The following L3MBTL3 variants were observed in gnomAD, a reference collection of about 807,000 sequenced individuals.
L3MBTL3 encodes lethal(3)malignant brain tumor-like protein 3.
Under a neutral mutation model 102.3 loss-of-function variants are expected in L3MBTL3, and 27 were observed. The ratio of observed to expected loss-of-function variants is 0.26; its 90% CI spans 0.19 to 0.36. L3MBTL3 has a LOEUF of 0.36. Among genes scored for constraint, L3MBTL3 ranks in the 10% least tolerant of loss-of-function variants. The probability of loss-of-function intolerance (pLI) is 1.00; values close to 1 mark genes in which losing one functional copy is unlikely to be tolerated. For missense variants in L3MBTL3, 798 were observed against 955.3 expected (o/e 0.84, Z 2.17); for synonymous variants, 340 against 320.9 (o/e 1.06, Z -0.64).
chr6:130,052,416 G>C (rs1333136671), intron 6 of L3MBTL3, among the ~76,000 whole-genome samples: 1 of 151,978 alleles, frequency 6.6e-6, no homozygotes, highest in Non-Finnish European at 1.5e-5. Flanking sequence ...GAACTGTCTT[G>C]TTTTTCTTGG....
intron 2 of L3MBTL3, among the ~76,000 whole-genome samples, chr6:130,035,963 T>G (rs1437189300): frequency 7.0e-6 from 1 of 142,316 alleles, no homozygotes; most frequent in Non-Finnish European, 1.5e-5. Flanking sequence ...GCATTGTGAC[T>G]CTCTTACCTA....
At chr6:130,033,824 T>G (rs1481718067) in intron 2 of L3MBTL3, among the ~76,000 whole-genome samples, 1 of 152,234 alleles carries the variant, frequency 6.6e-6, no homozygotes, top group Non-Finnish European at 1.5e-5. Context: ...TTATTAAAAC[T>G]ATTTAACTGG....
chr6:130,074,597 C>G (rs1584378589), intron 13 of L3MBTL3, among the ~76,000 whole-genome samples: 1 of 152,222 alleles, frequency 6.6e-6, no homozygotes, highest in East Asian at 1.9e-4. Flanking sequence ...AGGTTGGGCT[C>G]TGGGGCAGAA....
intron 2 of L3MBTL3, among the ~76,000 whole-genome samples, chr6:130,032,775 G>A (rs917302877): frequency 2.0e-5 from 3 of 152,234 alleles, no homozygotes; most frequent in Non-Finnish European, 4.4e-5. Flanking sequence ...AGAATCACGT[G>A]AGGCCTGCAG....
intron 22 of L3MBTL3, chr6:130,137,512 T>G (rs1003853274): frequency 6.6e-6 from 1 of 152,216 alleles, no homozygotes; most frequent in African/African-American, 2.4e-5. Context: ...TCAAGATTTT[T>G]TTTCTTTCTA....
chr6:130,092,345 A>T (rs886366098), intron 16 of L3MBTL3, among the ~76,000 whole-genome samples: 1 of 150,828 alleles, frequency 6.6e-6, no homozygotes, highest in Non-Finnish European at 1.5e-5. Flanking sequence ...CTTCCTCTCT[A>T]CCCTCCCCTC....
intron 13 of L3MBTL3, among the ~76,000 whole-genome samples, chr6:130,071,395 C>T (rs561493246): frequency 1.3e-5 from 2 of 152,210 alleles, no homozygotes; most frequent in African/African-American, 2.4e-5. Flanking sequence ...TATGTTCACA[C>T]GTATTTTAAT....
intron 22 of L3MBTL3, among the ~76,000 whole-genome samples, chr6:130,135,070 C>CTTTTTTTTTTTTTTTTT (rs5880000): frequency 7.8e-6 from 1 of 127,418 alleles, no homozygotes; most frequent in African/African-American, 3.0e-5. Context: ...CTGTTTTTTC[C>CTTTTTTTTTTTTTTTTT]TTTTTTTTTT....
At chr6:130,094,131 T>C in intron 17 of L3MBTL3, 134 bp from the exon 18 acceptor site, 1 of 515,898 alleles carries the variant, frequency 1.9e-6, no homozygotes, top group Non-Finnish European at 3.4e-6. Flanking sequence ...CTACTTTTTC[T>C]GTTTATGTAT....
At chr6:130,101,741 G>C (rs1784703194) in intron 18 of L3MBTL3, among the ~76,000 whole-genome samples, 1 of 152,150 alleles carries the variant, frequency 6.6e-6, no homozygotes, top group Non-Finnish European at 1.5e-5. Flanking sequence ...GATTTTTCTG[G>C]CCTTCCTGTT....
rs185444648 is a variant in L3MBTL3 at position 130,065,522 on chromosome 6, A to G, written c.865-831A>G. On this transcript the variant is annotated intron_variant, in intron 10 of 22. Transcript: ENST00000361794. Reference sequence around the variant, plus strand: ...ACAGTAACTGTACAGCTACCTCACTATTTGAGGATTAATTGCCCTGGCTCT... The same window carrying G: ...ACAGTAACTGTACAGCTACCTCACTGTTTGAGGATTAATTGCCCTGGCTCT... Among the ~76,000 whole-genome samples, 4 of 152,232 alleles carry G rather than the reference A, an allele frequency of 2.6e-5. No homozygotes were observed. In the South Asian group the frequency reaches 8.3e-4, roughly 32 times the overall value.
chr6:130,088,657 C>T (rs187857572), intron 16 of L3MBTL3, among the ~76,000 whole-genome samples: 96 of 152,254 alleles, frequency 6.3e-4, no homozygotes, highest in Non-Finnish European at 1.1e-3. Context: ...TTATTCCTGC[C>T]TCATTCCTTC....
At chr6:130,039,601 TTATATA>T (rs148663274) in intron 2 of L3MBTL3, among the ~76,000 whole-genome samples, 3 of 149,802 alleles carry the variant, frequency 2.0e-5, no homozygotes, top group African/African-American at 7.3e-5. Context: ...TTTTTATAGT[TTATATA>T]TATATATTTG....
intron 16 of L3MBTL3, among the ~76,000 whole-genome samples, chr6:130,087,416 G>C (rs890570359): frequency 6.6e-6 from 1 of 151,956 alleles, no homozygotes; most frequent in African/African-American, 2.4e-5. Context: ...ATCTAGACAA[G>C]TAATCAAATA....
chr6:130,026,969 C>G (rs550668342), intron 2 of L3MBTL3, among the ~76,000 whole-genome samples: 5 of 152,048 alleles, frequency 3.3e-5, no homozygotes, highest in Non-Finnish European at 7.4e-5. Context: ...AGAAATGTGT[C>G]CTAGAATCAA....
chr6:130,111,097 A>T (rs1362768988), intron 19 of L3MBTL3, among the ~76,000 whole-genome samples: 1 of 151,840 alleles, frequency 6.6e-6, no homozygotes, highest in African/African-American at 2.4e-5. Flanking sequence ...TTGGAAGCAA[A>T]CTCTGAGACA....
intron 2 of L3MBTL3, among the ~76,000 whole-genome samples, chr6:130,036,339 C>G (rs879392935): frequency 3.3e-5 from 5 of 152,036 alleles, no homozygotes; most frequent in Non-Finnish European, 5.9e-5. Context: ...CCATAGGCTT[C>G]AAAATTAGAT....
intron 18 of L3MBTL3, among the ~76,000 whole-genome samples, chr6:130,101,936 A>G (rs1352556632): frequency 3.9e-5 from 6 of 152,184 alleles, no homozygotes; most frequent in Admixed American, 3.9e-4. Context: ...CCGTCTGCCC[A>G]TGCTCATGGC....
chr6:130,024,766 T>G (rs552626665), intron 2 of L3MBTL3, among the ~76,000 whole-genome samples: 1 of 152,242 alleles, frequency 6.6e-6, no homozygotes, highest in East Asian at 1.9e-4. Context: ...GACGAGATCC[T>G]TGCTCTTGAG....
Sources: gnomAD v4.1 joint callset for allele counts (sites outside exome capture counted in the v4.1 genomes callset) on GRCh38, gnomAD v4.1.1 for gene constraint, MANE v1.5 for transcripts, NCBI Gene and HGNC (gene_info 2026-07-23, HGNC 2026-07-21) for gene names.